Variants in GPHN observed in about 807,000 individuals in gnomAD.
The protein encoded by GPHN is gephyrin.
Under a neutral mutation model 95.5 loss-of-function variants are expected in GPHN, and 17 were observed. That is an observed-to-expected ratio of 0.18 (90% confidence interval 0.12 to 0.27). The LOEUF is 0.27. Ranked by LOEUF, GPHN falls within the 10% of genes least tolerant of loss-of-function variation. The pLI is 1.00. For missense variants in GPHN, 660 were observed against 978.1 expected (o/e 0.67, Z 4.34); for synonymous variants, 320 against 322.5 (o/e 0.99, Z 0.08).
At chr14:67,700,587 C>T in the GPHN span, among the ~76,000 whole-genome samples, 3 of 151,662 alleles carry the variant, frequency 2.0e-5, no homozygotes, top group Non-Finnish European at 4.4e-5. Flanking sequence ...TGGTGGCGGG[C>T]GCCTGTAGTC....
the GPHN span, among the ~76,000 whole-genome samples, chr14:67,369,131 G>A: frequency 8.5e-5 from 13 of 152,108 alleles, no homozygotes; most frequent in African/African-American, 2.4e-4. Flanking sequence ...AAGACTCGAC[G>A]ATAATCCTGT....
At chr14:67,142,673 C>T (rs967170968) in intron 17 of GPHN, among the ~76,000 whole-genome samples, 2 of 152,144 alleles carry the variant, frequency 1.3e-5, no homozygotes, top group East Asian at 3.8e-4. Flanking sequence ...TAGGGATCCT[C>T]CCCCCTCCAT....
At chr14:66,602,247 C>T (rs887284917) in intron 1 of GPHN, among the ~76,000 whole-genome samples, 1 of 151,918 alleles carries the variant, frequency 6.6e-6, no homozygotes, top group Non-Finnish European at 1.5e-5. Flanking sequence ...ATTTTCAGTG[C>T]AACACTGTGA....
the GPHN span, chr14:67,659,583 C>A: frequency 1.5e-5 from 11 of 751,768 alleles, no homozygotes; most frequent in South Asian, 1.7e-4. Context: ...GTAACAGGAA[C>A]TGGATGCAGA....
rs575287438 is a variant in GPHN at position 66,895,462 on chromosome 14, C to T, written c.389+15429C>T. Among the ~76,000 whole-genome samples the T allele has an allele frequency of 8.5e-5, 13 of 152,176 alleles. No individual in the cohort carries two copies. The South Asian group carries it at 2.7e-3, about 32-fold the overall frequency. On this transcript the variant is annotated intron_variant, in intron 5 of 22. Transcript: ENST00000478722. The stretch of plus-strand genomic sequence containing the variant: ...ACATGGCACATGTATACATATGTAA[C>T]AAACCTGCACATTGTGCACATGTAC...
At chr14:66,944,471 A>AT (rs767341404) in intron 8 of GPHN, among the ~76,000 whole-genome samples, 1 of 152,350 alleles carries the variant, frequency 6.6e-6, no homozygotes, top group East Asian at 1.9e-4. Context: ...TGCAAATCAC[A>AT]CCAGATTGGT....
At chr14:67,574,491 C>T in the GPHN span, 1 of 1,097,212 alleles carries the variant, frequency 9.1e-7, no homozygotes, top group Non-Finnish European at 1.2e-6. The surrounding 1 kb of genome is among the most constrained non-coding windows in gnomAD (Gnocchi z 4.2). Flanking sequence ...GTGGGTTCCC[C>T]CTTATACGGG....
chr14:67,331,958 C>T, the GPHN span, among the ~76,000 whole-genome samples: 2 of 152,180 alleles, frequency 1.3e-5, no homozygotes, highest in African/African-American at 4.8e-5. Flanking sequence ...GAAACTGCCT[C>T]AGGACAAGCC....
intron 10 of GPHN, among the ~76,000 whole-genome samples, chr14:67,052,208 A>G (rs1409142321): frequency 2.0e-5 from 3 of 152,222 alleles, no homozygotes; most frequent in Non-Finnish European, 2.9e-5. Context: ...TGTATTAAAG[A>G]GACCCATCTC....
the GPHN span, among the ~76,000 whole-genome samples, chr14:67,702,095 T>G: frequency 3.0e-4 from 46 of 152,146 alleles, 1 homozygote; most frequent in African/African-American, 1.1e-3. Flanking sequence ...AGGATAACAG[T>G]CATGAACCAC....
chr14:67,640,549 A>G, the GPHN span, among the ~76,000 whole-genome samples: 3 of 152,208 alleles, frequency 2.0e-5, no homozygotes, highest in Admixed American at 6.5e-5. Flanking sequence ...GCTCAAAATT[A>G]TAATTTAAAT....
chr14:66,527,318 T>C (rs2058730586), intron 1 of GPHN, among the ~76,000 whole-genome samples: 1 of 151,756 alleles, frequency 6.6e-6, no homozygotes, highest in African/African-American at 2.4e-5. Context: ...AGTGGTAATA[T>C]CCCCTTTATC....
At position 66,806,443 on chromosome 14, in the gene GPHN, G is replaced by A. The variant is rs1595964395; in HGVS notation, c.202-18031G>A. ...TGCAGCCAGCTTGAATTTCTCCTCA[G>A]AAATTCTTTTCTATTTCTTTTCTAT... On this transcript the variant is annotated intron_variant, in intron 3 of 22. Coordinates refer to ENST00000478722, the MANE Select transcript of GPHN (RefSeq NM_020806.5). 5.9e-5 allele frequency among the ~76,000 whole-genome samples: 9 copies of A among 152,232 alleles called. No individual in the cohort carries two copies. The South Asian group carries it at 1.9e-3, about 32-fold the overall frequency.
chr14:67,561,904 C>A, the GPHN span: 31 of 1,231,770 alleles, frequency 2.5e-5, no homozygotes, highest in Non-Finnish European at 3.2e-5. Flanking sequence ...AAAAATACAT[C>A]TAAACCTGTA....
chr14:67,337,409 G>A, the GPHN span: 1 of 152,030 alleles, frequency 6.6e-6, no homozygotes, highest in Non-Finnish European at 1.5e-5. Context: ...CTACTCGGGA[G>A]ACTGAAGCAG....
At chr14:67,489,345 C>G in the GPHN span, among the ~76,000 whole-genome samples, 1 of 152,202 alleles carries the variant, frequency 6.6e-6, no homozygotes, top group African/African-American at 2.4e-5. Flanking sequence ...AAATCTCATC[C>G]TTAAGGCACA....
intron 1 of GPHN, among the ~76,000 whole-genome samples, chr14:66,577,217 A>C (rs2060944749): frequency 6.6e-6 from 1 of 152,194 alleles, no homozygotes; most frequent in East Asian, 1.9e-4. Flanking sequence ...TGGGACTTGA[A>C]ATAGTGTAGG....
At chr14:67,272,533 A>G in the GPHN span, among the ~76,000 whole-genome samples, 1 of 152,308 alleles carries the variant, frequency 6.6e-6, no homozygotes, top group African/African-American at 2.4e-5. Flanking sequence ...TGTAGTTGTT[A>G]CTACTACTAC....
the GPHN span, among the ~76,000 whole-genome samples, chr14:67,317,847 AG>A: frequency 6.6e-6 from 1 of 152,240 alleles, no homozygotes; most frequent in Non-Finnish European, 1.5e-5. Flanking sequence ...CTGCTGGCTA[AG>A]TCAGACACAC....
Sources: allele counts gnomAD v4.1 joint callset (sites outside exome capture counted in the v4.1 genomes callset), GRCh38; gene constraint gnomAD v4.1.1; non-coding constraint Gnocchi (gnomAD v3.1); transcripts MANE v1.5; gene names NCBI Gene and HGNC (gene_info 2026-07-23, HGNC 2026-07-21).